The following STAG2 variants were observed in gnomAD, a reference collection of about 807,000 sequenced individuals.
STAG2 encodes STAG2 cohesin complex component.
In STAG2, 14 loss-of-function variants were observed where a neutral mutation model predicts 108.1. That is an observed-to-expected ratio of 0.13 (90% CI 0.09 to 0.20). The LOEUF (loss-of-function observed/expected upper bound fraction) is 0.20. Among genes scored for constraint, STAG2 ranks in the 10% least tolerant of loss-of-function variants. STAG2 has a pLI of 1.00. For synonymous variants in STAG2, 307 were observed against 302.7 expected, an observed-to-expected ratio of 1.01 and a Z score of -0.15; for missense variants, 440 against 940.9, an observed-to-expected ratio of 0.47 and a Z score of 6.96.
At position 124,036,350 on chromosome X, in the gene STAG2, T is replaced by C. The variant is rs1470747250; in HGVS notation, c.289-1177T>C. 3.6e-5 allele frequency among the ~76,000 whole-genome samples: 4 copies of C among 112,000 alleles called. No homozygotes were observed. In the Admixed American group the frequency reaches 3.8e-4, roughly 11 times the overall value. ...GTTTATCATCTTGATTTTATTTAAT[T>C]TGCTCTATTTAAAAAGTTTTGTTGT... On this transcript the variant is annotated intron_variant, in intron 5 of 34. Transcript: ENST00000371145.
intron 1 of STAG2, among the ~76,000 whole-genome samples, chrX:123,962,601 CT>C (rs2053919775): frequency 9.0e-6 from 1 of 111,308 alleles, no homozygotes; most frequent in Non-Finnish European, 1.9e-5. Flanking sequence ...CCTACCACCC[CT>C]CTTCCCTCTC....
chrX:124,091,149 T>TTC (rs1262690278), intron 32 of STAG2, among the ~76,000 whole-genome samples, 185 bp downstream of exon 32: 1 of 112,090 alleles, frequency 8.9e-6, no homozygotes, highest in Non-Finnish European at 1.9e-5. Context: ...TACTACCTAG[T>TTC]TAGCCAAAGG....
At chrX:124,027,897 A>G (rs1476376211) in intron 4 of STAG2, among the ~76,000 whole-genome samples, 2 of 110,890 alleles carry the variant, frequency 1.8e-5, no homozygotes, top group Admixed American at 9.6e-5. Flanking sequence ...TGCTTTTTGT[A>G]TAATGCTTCC....
At chrX:123,983,152 G>T (rs1434907163) in intron 1 of STAG2, among the ~76,000 whole-genome samples, 1 of 110,876 alleles carries the variant, frequency 9.0e-6, no homozygotes, top group East Asian at 2.8e-4. Context: ...TATTGTGAAT[G>T]TGACTGACAA....
Position 124,062,885 on chromosome X carries a change from T to A in STAG2, c.1639-17T>A. 1 of 1,170,327 alleles carries A rather than the reference T, an allele frequency of 8.5e-7. No individual in the cohort carries two copies. The highest frequency in any genetic ancestry group is 1.2e-6 in the Non-Finnish European group (1 of 859,742). ...CTAATGGGCTTAATAAATACAGAAG[T>A]CTTTCTGTTCCTTTAGGTGCTTACA... On this transcript the variant is annotated splice_polypyrimidine_tract_variant and intron_variant, in intron 17 of 34. Transcript: ENST00000371145.
chrX:124,093,299 C>G (rs1189206535), intron 32 of STAG2, among the ~76,000 whole-genome samples: 1 of 111,252 alleles, frequency 9.0e-6, no homozygotes, highest in African/African-American at 3.3e-5. Context: ...GAGTGTTCCT[C>G]ATTTCTTCCT....
At chrX:123,964,989 T>C (rs2147463382) in intron 1 of STAG2, among the ~76,000 whole-genome samples, 1 of 104,369 alleles carries the variant, frequency 9.6e-6, no homozygotes, top group African/African-American at 3.5e-5. Context: ...GGCAGTTCTA[T>C]ACTGTTCAGT....
In STAG2 at chrX:124,063,640, G is replaced by A. The variant is rs374602752; in HGVS notation, c.1822-208G>A. ...AGCATTCTCACCATAGCCCTATGAG[G>A]TAGGTAATATCTCCCTTAAAGTTGA... On this transcript the variant is annotated intron_variant, in intron 19 of 34. Coordinates refer to ENST00000371145, the MANE Select transcript of STAG2 (RefSeq NM_001042750.2). Among the ~76,000 whole-genome samples the A allele has an allele frequency of 5.4e-5, 6 of 111,802 alleles. No individual in the cohort carries two copies. The East Asian group carries it at 1.7e-3, about 31-fold the overall frequency.
rs1247850709 is a variant in STAG2, at chrX:124,060,646, G to A, written c.1417-578G>A. Among the ~76,000 whole-genome samples the A allele has an allele frequency of 3.6e-5, 4 of 110,497 alleles. No homozygotes were observed. In the Admixed American group the frequency reaches 3.9e-4, roughly 11 times the overall value. On this transcript the variant is annotated intron_variant, in intron 15 of 34. Coordinates refer to ENST00000371145, the MANE Select transcript of STAG2 (RefSeq NM_001042750.2). ...TTTTTATAAAATACTTTTCAGGACG[G>A]GTGCAGTGGCTCACACCTGTAATCC...
intron 1 of STAG2, among the ~76,000 whole-genome samples, chrX:124,016,796 G>A (rs1384823772): frequency 8.9e-6 from 1 of 111,823 alleles, no homozygotes; most frequent in Admixed American, 9.5e-5. Flanking sequence ...GTGAAACCCT[G>A]TTTCTACAAA....
At chrX:123,982,922 G>C (rs2054959689) in intron 1 of STAG2, among the ~76,000 whole-genome samples, 1 of 110,644 alleles carries the variant, frequency 9.0e-6, no homozygotes, top group Admixed American at 9.7e-5. Flanking sequence ...CACGCTGTCA[G>C]TCAGCATGAA....
intron 1 of STAG2, among the ~76,000 whole-genome samples, chrX:123,966,946 T>C (rs981762207): frequency 4.6e-5 from 5 of 108,326 alleles, no homozygotes; most frequent in African/African-American, 1.7e-4. Context: ...TGCAGTGGCA[T>C]GATCTTGGGC....
chrX:124,049,200 G>A, intron 10 of STAG2, 122 bp downstream of exon 10: 2 of 521,014 alleles, frequency 3.8e-6, no homozygotes, highest in Non-Finnish European at 6.3e-6. Flanking sequence ...ATCAATGTTA[G>A]ACTCCATTAG....
chrX:124,086,865 C>A, intron 30 of STAG2, 95 bp downstream of exon 30: 1 of 685,281 alleles, frequency 1.5e-6, no homozygotes, highest in Non-Finnish European at 2.1e-6. Context: ...GAGATGTGTT[C>A]AATAATAGCT....
chrX:124,020,566 G>A (rs1245843586), intron 1 of STAG2, among the ~76,000 whole-genome samples: 1 of 111,945 alleles, frequency 8.9e-6, no homozygotes, highest in Non-Finnish European at 1.9e-5. Context: ...AGTACCTATA[G>A]TCCTAGCTAC....
intron 34 of STAG2, 158 bp downstream of exon 34, chrX:124,095,607 A>T (rs1231250381): frequency 2.2e-6 from 1 of 451,991 alleles, no homozygotes; most frequent in African/African-American, 2.5e-5. Flanking sequence ...TGGGAGGGGA[A>T]GAGAGTGCTG....
rs1177101640 is a variant in STAG2 at position 123,967,256 on chromosome X, ATTTTTT to A, written c.-163+5421_-163+5426del. Among the ~76,000 whole-genome samples, 370 of 50,216 alleles carry A rather than the reference ATTTTTT, an allele frequency of 7.4e-3. 4 individuals carry two copies. Among genetic ancestry groups the A allele is most frequent in the African/African-American group, 0.031 (354 of 11,588 alleles). The allele number at this position is 50,216 out of a possible 115,157, so 43.6% of individuals were successfully genotyped here. A position where few individuals can be genotyped will look rare whatever the true frequency, so the allele number is the denominator to read the frequency against. ...AGAGGATGAATAATGTCAATGGTGT[ATTTTTT>A]TTTTTTTTTTTTTTTTTTTTGAGAC... On this transcript the variant is annotated intron_variant, in intron 1 of 34. Transcript: ENST00000371145.
At chrX:124,020,251 A>G (rs986707642) in intron 1 of STAG2, among the ~76,000 whole-genome samples, 2 of 111,886 alleles carry the variant, frequency 1.8e-5, no homozygotes, top group Non-Finnish European at 3.8e-5. Context: ...AGGTGACTGT[A>G]TTTACGAACT....
chrX:123,974,446 G>A (rs749938201), intron 1 of STAG2, among the ~76,000 whole-genome samples: 1 of 107,487 alleles, frequency 9.3e-6, no homozygotes, highest in African/African-American at 3.4e-5. Flanking sequence ...GGCTTGTATC[G>A]AACTCCTGAG....
Sources: allele counts gnomAD v4.1 joint callset (sites outside exome capture counted in the v4.1 genomes callset), GRCh38; gene constraint gnomAD v4.1.1; transcripts MANE v1.5; gene names NCBI Gene and HGNC (gene_info 2026-07-23, HGNC 2026-07-21).